The following FAT3 variants were observed in gnomAD, a reference collection of about 807,000 sequenced individuals.
FAT3 encodes the protein protocadherin Fat 3.
Under a neutral mutation model 310.2 loss-of-function variants are expected in FAT3, and 95 were observed. The ratio of observed to expected loss-of-function variants is 0.31; its 90% CI spans 0.26 to 0.36. The LOEUF is 0.36. FAT3 is among the 10% of genes least tolerant of loss of function. The pLI is 1.00. For synonymous variants in FAT3, 2,314 were observed against 2,192.9 expected (o/e 1.06, Z -1.54); for missense variants, 5,408 against 5,715.6 (o/e 0.95, Z 1.74).
intron 1 of FAT3, among the ~76,000 whole-genome samples, chr11:92,322,042 C>G (rs1479824371): frequency 6.6e-6 from 1 of 152,076 alleles, no homozygotes; most frequent in African/African-American, 2.4e-5. Context: ...GAAAATCAGA[C>G]TCTGGTTAGA....
At chr11:92,744,298 G>A (rs547847099) in intron 4 of FAT3, among the ~76,000 whole-genome samples, 81 of 152,292 alleles carry the variant, frequency 5.3e-4, no homozygotes, top group African/African-American at 1.9e-3. Flanking sequence ...TGCTCTGAAT[G>A]TTCTCTTCCA....
intron 2 of FAT3, among the ~76,000 whole-genome samples, chr11:92,467,031 C>T (rs1434798421): frequency 7.9e-5 from 12 of 152,028 alleles, no homozygotes; most frequent in East Asian, 1.9e-4. Flanking sequence ...TGAATAGTGC[C>T]GCAATAAACA....
At chr11:92,608,550 C>T (rs988466960) in intron 3 of FAT3, among the ~76,000 whole-genome samples, 1 of 152,004 alleles carries the variant, frequency 6.6e-6, no homozygotes, top group Admixed American at 6.6e-5. Context: ...AGAATTTCTT[C>T]AGGCACTCTT....
chr11:92,479,211 A>G (rs1292136337), intron 2 of FAT3, among the ~76,000 whole-genome samples: 1 of 143,770 alleles, frequency 7.0e-6, no homozygotes, highest in South Asian at 2.2e-4. Context: ...GGATTTTTCC[A>G]TGTTGTTCAG....
chr11:92,771,295 CACCCTGG>C (rs754883949), intron 6 of FAT3, among the ~76,000 whole-genome samples: 38 of 152,146 alleles, frequency 2.5e-4, no homozygotes, highest in Non-Finnish European at 5.0e-4. Context: ...TTGATATTCT[CACCCTGG>C]ACGATTTGGA....
intron 13 of FAT3, among the ~76,000 whole-genome samples, chr11:92,824,261 G>T (rs1214901866): frequency 2.6e-5 from 4 of 152,084 alleles, no homozygotes; most frequent in Non-Finnish European, 5.9e-5. Context: ...GGAGGCTGAG[G>T]CAGGAGAAAC....
intron 1 of FAT3, among the ~76,000 whole-genome samples, chr11:92,234,832 A>C (rs1203898187): frequency 6.6e-6 from 1 of 150,820 alleles, no homozygotes; most frequent in Admixed American, 6.6e-5. Context: ...AACCCAGGAG[A>C]CGGAGGTTGC....
At chr11:92,452,647 TA>T (rs1951391707) in intron 2 of FAT3, among the ~76,000 whole-genome samples, 1 of 152,166 alleles carries the variant, frequency 6.6e-6, no homozygotes, top group African/African-American at 2.4e-5. Flanking sequence ...CAGTTAATGA[TA>T]AATGGAACAA....
chr11:92,835,749 C>T (rs1362323459), intron 15 of FAT3, among the ~76,000 whole-genome samples: 4 of 152,168 alleles, frequency 2.6e-5, no homozygotes, highest in Non-Finnish European at 5.9e-5. Flanking sequence ...CACAGACACA[C>T]AGAGTTGGGC....
rs368730906 is a variant in FAT3, at chr11:92,856,268, C to T, written c.11366-946C>T. 2.6e-5 allele frequency among the ~76,000 whole-genome samples: 4 copies of T among 152,318 alleles called. No individual in the cohort carries two copies. In the East Asian group the frequency reaches 5.8e-4, roughly 22 times the overall value. On this transcript the variant is annotated intron_variant, in intron 19 of 27. Transcript: ENST00000525166. The stretch of plus-strand genomic sequence containing the variant: ...ATTCTCAGTTCACGGGGAAAGGGCA[C>T]TCCTTTAGGCTATGCCTAACTGATT...
chr11:92,616,804 C>T (rs1291441554), intron 3 of FAT3, among the ~76,000 whole-genome samples: 2 of 152,132 alleles, frequency 1.3e-5, no homozygotes, highest in African/African-American at 4.8e-5. Context: ...AATATTGGGC[C>T]TCACTCTCTA....
At chr11:92,862,807 A>C (rs1949152473) in intron 21 of FAT3, among the ~76,000 whole-genome samples, 1 of 152,172 alleles carries the variant, frequency 6.6e-6, no homozygotes, top group Non-Finnish European at 1.5e-5. Context: ...TGTAATTTCG[A>C]CTCTCATTCC....
In FAT3 at chr11:92,775,289, G is replaced by A. The variant is rs951704197; in HGVS notation, c.4335+1109G>A. ...CTATGTTGTTTTATAAAGGAGAGAG[G>A]ATGAATATTTCATGTGTTTGCCTAG... On this transcript the variant is annotated intron_variant, in intron 7 of 27. Transcript: ENST00000525166. Among the ~76,000 whole-genome samples, 4 of 152,152 alleles carry A rather than the reference G, an allele frequency of 2.6e-5. No homozygotes were observed. In the East Asian group the frequency reaches 7.7e-4, roughly 29 times the overall value.
intron 1 of FAT3, among the ~76,000 whole-genome samples, chr11:92,300,850 A>C (rs573223916): frequency 3.3e-4 from 51 of 152,242 alleles, no homozygotes; most frequent in Non-Finnish European, 5.6e-4. Flanking sequence ...CCGGTCTAAC[A>C]CACCTTTATA....
chr11:92,551,414 T>TTGTTTTGTGTGTGTGTGTGTGTGTGTGTG (rs35238743), intron 3 of FAT3, among the ~76,000 whole-genome samples: 36 of 128,968 alleles, frequency 2.8e-4, no homozygotes, highest in African/African-American at 9.5e-4. Context: ...TTTTTTTGTT[T>TTGTTTTGTGTGTGTGTGTGTGTGTGTGTG]TGTGTGTGTG....
intron 2 of FAT3, among the ~76,000 whole-genome samples, chr11:92,513,792 AT>A (rs1953387029): frequency 6.6e-6 from 1 of 152,152 alleles, no homozygotes; most frequent in Non-Finnish European, 1.5e-5. Context: ...ATTGTTTTTA[AT>A]GGCCTCAGAG....
intron 4 of FAT3, among the ~76,000 whole-genome samples, chr11:92,730,030 A>T (rs897304961): frequency 6.6e-6 from 1 of 152,090 alleles, no homozygotes; most frequent in Non-Finnish European, 1.5e-5. Context: ...AACATACATA[A>T]CATATATAAA....
At chr11:92,328,551 T>C (rs1363009424) in intron 1 of FAT3, among the ~76,000 whole-genome samples, 1 of 152,242 alleles carries the variant, frequency 6.6e-6, no homozygotes, top group Non-Finnish European at 1.5e-5. Context: ...TTCAGGGTTA[T>C]CTGCCTAGAA....
intron 1 of FAT3, among the ~76,000 whole-genome samples, chr11:92,297,682 T>G (rs527883467): frequency 1.7e-4 from 26 of 152,230 alleles, no homozygotes; most frequent in African/African-American, 6.0e-4. Context: ...AACATATTGT[T>G]TCTGTGTTGC....
Sources: gnomAD v4.1 joint callset for allele counts (sites outside exome capture counted in the v4.1 genomes callset) on GRCh38, gnomAD v4.1.1 for gene constraint, MANE v1.5 for transcripts, NCBI Gene and HGNC (gene_info 2026-07-23, HGNC 2026-07-21) for gene names.